Variants in PLCXD3 observed in about 807,000 individuals in gnomAD.
PLCXD3 encodes the protein phosphatidylinositol specific phospholipase C X domain containing 3.
Under a neutral mutation model 25.5 loss-of-function variants are expected in PLCXD3, and 19 were observed. The ratio of observed to expected loss-of-function variants is 0.75; its 90% CI spans 0.52 to 1.09. The LOEUF is 1.09. Among genes scored for constraint, PLCXD3 ranks in the 50% least tolerant of loss-of-function variants. PLCXD3 has a pLI of 0.00. For missense variants in PLCXD3, 411 were observed against 388.1 expected, an observed-to-expected ratio of 1.06 and a Z score of -0.50; for synonymous variants, 174 against 137.6, an observed-to-expected ratio of 1.26 and a Z score of -1.85.
At chr5:41,316,612 T>A (rs1580293954) in intron 2 of PLCXD3, among the ~76,000 whole-genome samples, 1 of 151,878 alleles carries the variant, frequency 6.6e-6, no homozygotes, top group East Asian at 1.9e-4. Flanking sequence ...CTGCCCAGGG[T>A]CAGAGGGAGC....
intron 1 of PLCXD3, among the ~76,000 whole-genome samples, chr5:41,447,299 G>C (rs1014517420): frequency 2.0e-5 from 3 of 152,140 alleles, no homozygotes; most frequent in African/African-American, 4.8e-5. Flanking sequence ...AAAAGACTCA[G>C]TGGTAATTGA....
In PLCXD3 at chr5:41,341,608, A is replaced by AT. The variant is rs1418910909; in HGVS notation, c.813-27839dup. 2.6e-5 allele frequency among the ~76,000 whole-genome samples: 4 copies of AT among 152,278 alleles called. No homozygotes were observed. The East Asian group carries it at 7.7e-4, about 29-fold the overall frequency. On this transcript the variant is annotated intron_variant, in intron 2 of 2. Coordinates refer to ENST00000377801, the MANE Select transcript of PLCXD3 (RefSeq NM_001005473.3). ...AATGGATTGGGTTACCATTGGGTTT[A>AT]TAAGGTTTACCTGTTTGCAATATTA... is the stretch of plus-strand genomic sequence containing the variant.
At chr5:41,491,146 A>C (rs953359357) in intron 1 of PLCXD3, among the ~76,000 whole-genome samples, 6 of 152,060 alleles carry the variant, frequency 3.9e-5, no homozygotes, top group Non-Finnish European at 7.4e-5. Context: ...CTTTGTTCTC[A>C]TTGGTTTCAA....
At chr5:41,484,263 A>ACC (rs1029749827) in intron 1 of PLCXD3, among the ~76,000 whole-genome samples, 1 of 135,290 alleles carries the variant, frequency 7.4e-6, no homozygotes, top group African/African-American at 3.1e-5. Flanking sequence ...ACACACACAC[A>ACC]CACACACACT....
At chr5:41,419,935 A>G (rs1426822826) in intron 1 of PLCXD3, among the ~76,000 whole-genome samples, 1 of 152,236 alleles carries the variant, frequency 6.6e-6, no homozygotes, top group African/African-American at 2.4e-5. Context: ...GAGATTTCAC[A>G]GTAAGCACCT....
chr5:41,504,968 T>G (rs570798119), intron 1 of PLCXD3, among the ~76,000 whole-genome samples: 1 of 152,344 alleles, frequency 6.6e-6, no homozygotes, highest in African/African-American at 2.4e-5. Context: ...ATGTTTTGTG[T>G]CAGTGTATCT....
chr5:41,390,856 C>G (rs955131396), intron 1 of PLCXD3, among the ~76,000 whole-genome samples: 1 of 152,196 alleles, frequency 6.6e-6, no homozygotes, highest in Non-Finnish European at 1.5e-5. Flanking sequence ...GCCACTCTTC[C>G]CTACCCTGGC....
In PLCXD3 at chr5:41,466,176, T is replaced by C. The variant is rs535297044; in HGVS notation, c.103+44248A>G. On this transcript the variant is annotated intron_variant, in intron 1 of 2. Coordinates refer to ENST00000377801, the MANE Select transcript of PLCXD3 (RefSeq NM_001005473.3). ...TTTACCTTAAAATACAACTGCTTAA[T>C]AAAAACAGACTTTAAGGGTTAAAAA... Among the ~76,000 whole-genome samples, 9 of 152,182 alleles carry C rather than the reference T, an allele frequency of 5.9e-5. No homozygotes were observed. In the South Asian group the frequency reaches 1.9e-3, roughly 31 times the overall value.
chr5:41,433,361 T>C (rs190903343), intron 1 of PLCXD3, among the ~76,000 whole-genome samples: 7 of 152,360 alleles, frequency 4.6e-5, no homozygotes, highest in African/African-American at 1.2e-4. Context: ...CATTAAATGA[T>C]ATTTATGACT....
intron 2 of PLCXD3, among the ~76,000 whole-genome samples, chr5:41,337,499 T>C (rs1744019419): frequency 6.6e-6 from 1 of 152,174 alleles, no homozygotes; most frequent in Non-Finnish European, 1.5e-5. Context: ...AGAGTGATTA[T>C]AGCATCCAAA....
intron 2 of PLCXD3, among the ~76,000 whole-genome samples, chr5:41,348,391 C>T (rs1304183572): frequency 2.0e-5 from 3 of 152,020 alleles, no homozygotes; most frequent in African/African-American, 7.3e-5. Flanking sequence ...GTCTTTGTAT[C>T]TAATGTCAGA....
chr5:41,491,279 T>C (rs895958809), intron 1 of PLCXD3, among the ~76,000 whole-genome samples: 3 of 152,258 alleles, frequency 2.0e-5, no homozygotes, highest in African/African-American at 7.2e-5. Flanking sequence ...TATAGTTTGA[T>C]TGCACTGTGG....
At chr5:41,457,209 CTT>C (rs1185038022) in intron 1 of PLCXD3, among the ~76,000 whole-genome samples, 1 of 151,952 alleles carries the variant, frequency 6.6e-6, no homozygotes, top group Non-Finnish European at 1.5e-5. Flanking sequence ...GGTGTCCACA[CTT>C]GGCCTCATAT....
chr5:41,326,476 C>T lies in PLCXD3; in HGVS notation c.813-12706G>A, dbSNP rs112485980. On this transcript the variant is annotated intron_variant, in intron 2 of 2. Coordinates refer to ENST00000377801, the MANE Select transcript of PLCXD3 (RefSeq NM_001005473.3). ...AGTTTTTCCTATCTCCCCATATCAG[C>T]TACCATCTCCTCCTCAACCTCATTT... Among the ~76,000 whole-genome samples the T allele has an allele frequency of 2.9e-3, 441 of 152,308 alleles. 2 individuals carry two copies. Among genetic ancestry groups the T allele is most frequent in the African/African-American group, 0.01 (428 of 41,576 alleles).
chr5:41,362,082 A>AGAATCAGTGACACTCTTTG lies in PLCXD3; in HGVS notation c.812+19725_812+19743dup, dbSNP rs1744797284. 1.3e-5 allele frequency among the ~76,000 whole-genome samples: 2 copies of AGAATCAGTGACACTCTTTG among 152,232 alleles called. 1 individual carries two copies. The highest frequency in any genetic ancestry group is 4.1e-4 in the South Asian group (2 of 4,828). On this transcript the variant is annotated intron_variant, in intron 2 of 2. Coordinates refer to ENST00000377801, the MANE Select transcript of PLCXD3 (RefSeq NM_001005473.3). ...TGGGGATTTAGAAATATTCTGGGCA[A>AGAATCAGTGACACTCTTTG]GAATCAGTGACACTCTTTGGAAGCC...
intron 2 of PLCXD3, among the ~76,000 whole-genome samples, chr5:41,364,555 T>G (rs181472191): frequency 6.6e-6 from 1 of 152,290 alleles, no homozygotes; most frequent in African/African-American, 2.4e-5. Flanking sequence ...CAACTTAAAA[T>G]GTGTGTGCTC....
At chr5:41,434,357 T>G (rs1250345161) in intron 1 of PLCXD3, among the ~76,000 whole-genome samples, 1 of 152,210 alleles carries the variant, frequency 6.6e-6, no homozygotes, top group Non-Finnish European at 1.5e-5. Flanking sequence ...GCAAACCTGT[T>G]CTCTCACTGC....
intron 1 of PLCXD3, among the ~76,000 whole-genome samples, chr5:41,482,769 TTTTC>T (rs2150523280): frequency 6.6e-6 from 1 of 152,356 alleles, no homozygotes; most frequent in East Asian, 1.9e-4. Context: ...TCTTTTCTTG[TTTTC>T]TTTAATTTAG....
chr5:41,439,706 C>T (rs318062), intron 1 of PLCXD3, among the ~76,000 whole-genome samples: 1,653 of 152,274 alleles, frequency 0.011, 38 homozygotes, highest in African/African-American at 0.036. Context: ...TAAGTTACTA[C>T]TATTTGGATA....
Sources: gnomAD v4.1 joint callset for allele counts (sites outside exome capture counted in the v4.1 genomes callset) on GRCh38, gnomAD v4.1.1 for gene constraint, MANE v1.5 for transcripts, NCBI Gene and HGNC (gene_info 2026-07-23, HGNC 2026-07-21) for gene names.